FAT3: variants seen among roughly 807,000 people sequenced by gnomAD.
FAT3 encodes protocadherin Fat 3.
A neutral mutation model predicts 310.2 loss-of-function variants in FAT3; 95 were observed. The observed-to-expected ratio is 0.31, with a 90% CI of 0.26 to 0.36. FAT3 has a LOEUF of 0.36. FAT3 is among the 10% of genes least tolerant of loss of function. The pLI is 1.00. For synonymous variants in FAT3, 2,314 were observed against 2,192.9 expected, an observed-to-expected ratio of 1.06 and a Z score of -1.54; for missense variants, 5,408 against 5,715.6, an observed-to-expected ratio of 0.95 and a Z score of 1.74.
chr11:92,315,216 A>G (rs1208227089), intron 1 of FAT3, among the ~76,000 whole-genome samples: 1 of 150,362 alleles, frequency 6.7e-6, no homozygotes, highest in African/African-American at 2.5e-5. Context: ...TTAAAAATGT[A>G]AAAAACAGTG....
At position 92,430,362 on chromosome 11, in the gene FAT3, T is replaced by C. The variant is rs1163628328; in HGVS notation, c.3292+74958T>C. Among the ~76,000 whole-genome samples the C allele has an allele frequency of 4.6e-5, 7 of 152,188 alleles. No homozygotes were observed. In the South Asian group the frequency reaches 1.2e-3, roughly 27 times the overall value. ...TTCGTCAAACTCATTCTCCACCTAG[T>C]TTTGTTCCCTTGCTGGCGAGGAGTT... is the stretch of plus-strand genomic sequence containing the variant. On this transcript the variant is annotated intron_variant, in intron 2 of 27. Coordinates refer to ENST00000525166, the MANE Select transcript of FAT3 (RefSeq NM_001367949.2).
rs186597937 is a variant in FAT3, at chr11:92,810,434, G to T, written c.9481+358G>T. On this transcript the variant is annotated intron_variant, in intron 13 of 27. Transcript: ENST00000525166. ...CTTTTCCTCCTAAACATAGTCAAAA[G>T]GCTATGTTGTGAAGCAAGGAGAATT... 2.8e-4 allele frequency among the ~76,000 whole-genome samples: 43 copies of T among 152,230 alleles called. 1 individual carries two copies. The highest frequency in any genetic ancestry group is 1.0e-3 in the African/African-American group (43 of 41,566).
At chr11:92,729,204 G>A (rs544935139) in intron 4 of FAT3, among the ~76,000 whole-genome samples, 3 of 152,122 alleles carry the variant, frequency 2.0e-5, no homozygotes, top group Non-Finnish European at 2.9e-5. Flanking sequence ...AGGTGCCAGC[G>A]CTGCTTTCTC....
chr11:92,374,029 G>GA, intron 2 of FAT3, among the ~76,000 whole-genome samples: 9 of 128,488 alleles, frequency 7.0e-5, no homozygotes, highest in Admixed American at 7.8e-5. Flanking sequence ...GACAGAGAGA[G>GA]GGAGAGAGAG....
At chr11:92,616,606 A>G (rs982630483) in intron 3 of FAT3, among the ~76,000 whole-genome samples, 7 of 152,166 alleles carry the variant, frequency 4.6e-5, no homozygotes, top group African/African-American at 9.7e-5. Flanking sequence ...TTTTTGCAGT[A>G]GCTGGTACCG....
intron 3 of FAT3, among the ~76,000 whole-genome samples, chr11:92,627,930 G>T (rs1026307977): frequency 2.0e-5 from 3 of 152,208 alleles, no homozygotes; most frequent in African/African-American, 4.8e-5. Context: ...CATGACTGGA[G>T]CGTGGGGCTT....
chr11:92,431,510 A>G lies in FAT3; in HGVS notation c.3292+76106A>G, dbSNP rs375015201. Among the ~76,000 whole-genome samples the G allele has an allele frequency of 2.9e-3, 438 of 152,000 alleles. 1 individual carries two copies. Among genetic ancestry groups the G allele is most frequent in the African/African-American group, 9.8e-3 (408 of 41,472 alleles). On this transcript the variant is annotated intron_variant, in intron 2 of 27. Transcript: ENST00000525166. ...TCTTTTGCTGTGCAGAAGCTCTTTA[A>G]TTTAATTAGATCCCATTTGTCAATT...
In FAT3 at chr11:92,889,189, C is replaced by G. The variant is rs1285854665; in HGVS notation, c.13052C>G (p.Ala4351Gly). The G allele has an allele frequency of 2.8e-6, 2 of 713,398 alleles. No homozygotes were observed. Among genetic ancestry groups the G allele is most frequent in the Non-Finnish European group, 5.2e-6 (2 of 383,308 alleles). 44.2% of individuals were successfully genotyped at this position (713,398 alleles called of 1,614,324 possible). ...SFQSDSGDDNASIVTVIQLVN... is the reference protein window; with the variant it reads ...SFQSDSGDDNGSIVTVIQLVN... ...TCCGACTTCTTTTCCTGACCACAAG[C>G]CTCCATAGTGACTGTCATTCAGCTT... The change falls in exon 26 of 28, where the codon GCC becomes GGC. Residue 4351 changes from alanine (A) to glycine (G), a missense_variant and splice_region_variant. Ala to Gly is a moderately conservative substitution (Grantham distance 60, BLOSUM62 0). Around this residue, in one of 5 missense-constraint regions of FAT3, gnomAD observed 649 missense variants for 666.2 expected, o/e 0.97. Coordinates refer to ENST00000525166, the MANE Select transcript of FAT3 (RefSeq NM_001367949.2).
intron 2 of FAT3, among the ~76,000 whole-genome samples, chr11:92,473,395 C>A (rs1191701944): frequency 6.6e-6 from 1 of 152,126 alleles, no homozygotes; most frequent in Non-Finnish European, 1.5e-5. Context: ...TATATTTTCA[C>A]ACCTTCTATC....
intron 2 of FAT3, among the ~76,000 whole-genome samples, chr11:92,445,894 G>A (rs995206677): frequency 3.3e-5 from 5 of 152,062 alleles, no homozygotes; most frequent in East Asian, 3.9e-4. Flanking sequence ...TTGTAGTTAT[G>A]ACCTCAGGTT....
intron 2 of FAT3, among the ~76,000 whole-genome samples, chr11:92,473,238 A>G (rs970612512): frequency 6.6e-6 from 1 of 152,146 alleles, no homozygotes; most frequent in African/African-American, 2.4e-5. Flanking sequence ...TAATTGGCGC[A>G]GTACTTACCA....
rs540348701 is a variant in FAT3 at position 92,639,807 on chromosome 11, G to A, written c.3608-57577G>A. 6.6e-5 allele frequency among the ~76,000 whole-genome samples: 10 copies of A among 152,252 alleles called. No individual in the cohort carries two copies. In the East Asian group the frequency reaches 1.9e-3, roughly 29 times the overall value. On this transcript the variant is annotated intron_variant, in intron 3 of 27. Transcript: ENST00000525166. ...CCACTTAGCATTATGGGCTATCTGGGTTGTAGTCACACCTAGCCACTTTAC... is the reference window on the plus strand; with the variant it reads ...CCACTTAGCATTATGGGCTATCTGGATTGTAGTCACACCTAGCCACTTTAC...
intron 3 of FAT3, among the ~76,000 whole-genome samples, chr11:92,670,194 A>G (rs909802721): frequency 6.6e-6 from 1 of 152,222 alleles, no homozygotes; most frequent in Non-Finnish European, 1.5e-5. Context: ...CTTTATAAAC[A>G]TACTTTTGAA....
intron 5 of FAT3, among the ~76,000 whole-genome samples, chr11:92,763,084 G>C (rs183347839): frequency 1.3e-5 from 2 of 151,754 alleles, no homozygotes; most frequent in Non-Finnish European, 2.9e-5. Context: ...GCTTGAACCC[G>C]GGAGGCAGAG....
intron 3 of FAT3, among the ~76,000 whole-genome samples, chr11:92,679,239 G>C (rs1375321481): frequency 6.6e-6 from 1 of 151,810 alleles, no homozygotes; most frequent in Admixed American, 6.6e-5. Flanking sequence ...ATTGTGAGTA[G>C]TGCTACAATA....
chr11:92,416,338 C>T (rs572116007), intron 2 of FAT3, among the ~76,000 whole-genome samples: 4 of 149,144 alleles, frequency 2.7e-5, no homozygotes, highest in East Asian at 2.0e-4. Context: ...GAGGCGAGAT[C>T]GCTCCATTGC....
At chr11:92,488,163 G>A (rs1952482142) in intron 2 of FAT3, among the ~76,000 whole-genome samples, 2 of 152,132 alleles carry the variant, frequency 1.3e-5, no homozygotes. Context: ...GCAGCCTCCA[G>A]ATGACAGCCA....
chr11:92,342,970 T>G (rs1187815151), intron 1 of FAT3, among the ~76,000 whole-genome samples: 3 of 152,176 alleles, frequency 2.0e-5, no homozygotes, highest in Non-Finnish European at 4.4e-5. Context: ...TAATCTTTCC[T>G]TCTGATAGCC....
intron 2 of FAT3, among the ~76,000 whole-genome samples, chr11:92,374,734 T>G (rs1268365631): frequency 6.6e-6 from 1 of 152,198 alleles, no homozygotes; most frequent in East Asian, 1.9e-4. Context: ...CCATCATGCC[T>G]GTACCATAAG....
Sources: gnomAD v4.1 joint callset for allele counts (sites outside exome capture counted in the v4.1 genomes callset) on GRCh38, gnomAD v4.1.1 for gene constraint, gnomAD v4.1.1 regional missense constraint, MANE v1.5 for transcripts, NCBI Gene and HGNC (gene_info 2026-07-23, HGNC 2026-07-21) for gene names.